SPINK8: variants seen among roughly 807,000 people sequenced by gnomAD.
The protein encoded by SPINK8 is serine peptidase inhibitor Kazal type 8 (putative), also known as serine protease inhibitor Kazal-type 8.
SPINK8 carries 12 observed loss-of-function variants against 14.4 expected under a neutral mutation model. The observed-to-expected ratio is 0.83, with a 90% CI of 0.53 to 1.35. The LOEUF (loss-of-function observed/expected upper bound fraction) is 1.35. Among genes scored for constraint, SPINK8 ranks in the 40% most tolerant of loss-of-function variants. SPINK8 has a pLI of 0.00. For synonymous variants in SPINK8, 32 were observed against 37.6 expected, an observed-to-expected ratio of 0.85 and a Z score of 0.55; for missense variants, 103 against 117.0, an observed-to-expected ratio of 0.88 and a Z score of 0.55.
chr3:48,332,241 T>G (rs1575348784), intron 2 of SPINK8, among the ~76,000 whole-genome samples, 125 bp downstream of exon 2: 1 of 152,226 alleles, frequency 6.6e-6, no homozygotes, highest in East Asian at 1.9e-4. Context: ...TTTGTCCAGT[T>G]CTGCCTGCTC....
intron 2 of SPINK8, among the ~76,000 whole-genome samples, chr3:48,330,181 C>G (rs180835551): frequency 6.6e-6 from 1 of 152,062 alleles, no homozygotes; most frequent in Non-Finnish European, 1.5e-5. Flanking sequence ...AAATTTGGTG[C>G]CTGCTTATAT....
intron 1 of SPINK8, among the ~76,000 whole-genome samples, 200 bp downstream of exon 1, chr3:48,333,335 C>T (rs1307111633): frequency 2.0e-5 from 3 of 152,014 alleles, no homozygotes; most frequent in African/African-American, 4.8e-5. Flanking sequence ...TCAAATTGGT[C>T]CTAATTCTCT....
Position 48,306,943 on chromosome 3 carries a change from A to G in SPINK8, c.*49T>C. ...TTTGAAGAGGCAACCATTGTGTTTCACTTGGCAATCTGGAGATTCAGTAGG... is the reference window on the plus strand; with the variant it reads ...TTTGAAGAGGCAACCATTGTGTTTCGCTTGGCAATCTGGAGATTCAGTAGG... On this transcript the variant is annotated 3_prime_UTR_variant, in exon 8 of 8. Transcript: ENST00000434006. The G allele has an allele frequency of 1.2e-6, 2 of 1,605,344 alleles. No homozygotes were observed. The highest frequency in any genetic ancestry group is 1.1e-5 in the South Asian group (1 of 89,828).
At chr3:48,313,054 G>C (rs2035944061) in intron 6 of SPINK8, among the ~76,000 whole-genome samples, 2 of 151,154 alleles carry the variant, frequency 1.3e-5, no homozygotes, top group Admixed American at 1.3e-4. Flanking sequence ...AAAAATTAGA[G>C]GTAAATCTTT....
At chr3:48,325,313 C>T (rs1248082602) in intron 4 of SPINK8, among the ~76,000 whole-genome samples, 1 of 151,884 alleles carries the variant, frequency 6.6e-6, no homozygotes, top group Non-Finnish European at 1.5e-5. Flanking sequence ...GTTGGATTGA[C>T]TTACACCTGC....
At chr3:48,315,421 C>T (rs187998713) in intron 6 of SPINK8, among the ~76,000 whole-genome samples, 1 of 152,200 alleles carries the variant, frequency 6.6e-6, no homozygotes, top group African/African-American at 2.4e-5. Flanking sequence ...AGCTATTTTA[C>T]TTATGTTTAA....
chr3:48,312,494 T>C (rs1300283447), intron 6 of SPINK8, among the ~76,000 whole-genome samples: 1 of 149,454 alleles, frequency 6.7e-6, no homozygotes, highest in African/African-American at 2.5e-5. Context: ...AATACAAAAA[T>C]TACCCAGGCT....
chr3:48,317,378 C>T (rs1674765025), intron 6 of SPINK8, among the ~76,000 whole-genome samples: 1 of 152,042 alleles, frequency 6.6e-6, no homozygotes. Flanking sequence ...ATCCCAGCTA[C>T]TCGGGAAGCT....
In SPINK8 at chr3:48,319,502, T is replaced by G. The variant is rs11718350; in HGVS notation, c.234A>C (p.Lys78Asn). The stretch of plus-strand genomic sequence containing the variant: ...AGAACAAAATTAGGACTTACAGAAT[T>G]TTGGAGCACAGATGGCAGTCACTAC... ...TYSSDCHLCS[K>N]ILFEGLNITK... Residue 78 changes from lysine (K) to asparagine (N), a missense_variant, in exon 6 of 8, where the codon AAA becomes AAC. Coordinates refer to ENST00000434006, the MANE Select transcript of SPINK8 (RefSeq NM_001080525.3). The G allele has an allele frequency of 0.28, 451,563 of 1,613,292 alleles. 67,792 individuals are homozygous for G. Among genetic ancestry groups the G allele is most frequent in the South Asian group, 0.32 (28,774 of 91,060 alleles).
intron 1 of SPINK8, among the ~76,000 whole-genome samples, 80 bp downstream of exon 1, chr3:48,333,455 C>A (rs1461738845): frequency 3.3e-5 from 5 of 152,168 alleles, no homozygotes; most frequent in African/African-American, 9.7e-5. Context: ...CTAGAGCGTC[C>A]TCTGTGGTCC....
intron 5 of SPINK8, among the ~76,000 whole-genome samples, chr3:48,320,302 C>A (rs2036055103): frequency 6.6e-6 from 1 of 152,296 alleles, no homozygotes; most frequent in East Asian, 1.9e-4. Flanking sequence ...GCACTCCCAG[C>A]ACTTTGGGAG....
chr3:48,324,429 C>A (rs2107106222), intron 4 of SPINK8, among the ~76,000 whole-genome samples: 1 of 152,218 alleles, frequency 6.6e-6, no homozygotes, highest in East Asian at 1.9e-4. Flanking sequence ...AAACAGAGAT[C>A]ATTTTACTTC....
rs377679191 is a variant in SPINK8 at position 48,312,556 on chromosome 3, T to C, written c.240-2610A>G. Among the ~76,000 whole-genome samples, 12 of 152,148 alleles carry C rather than the reference T, an allele frequency of 7.9e-5. No homozygotes were observed. In the East Asian group the frequency reaches 1.2e-3, roughly 15 times the overall value. On this transcript the variant is annotated intron_variant, in intron 6 of 7. Coordinates refer to ENST00000434006, the MANE Select transcript of SPINK8 (RefSeq NM_001080525.3). ...CACTGGGGATGCTGAGGCAGGAGAA[T>C]TGCTTGAACCCAGGAGGTGGAGGTT...
intron 6 of SPINK8, among the ~76,000 whole-genome samples, chr3:48,318,640 T>C (rs748055531): frequency 2.6e-4 from 39 of 152,328 alleles, no homozygotes; most frequent in Middle Eastern, 3.4e-3. Context: ...TGGGTTCTAG[T>C]GTAAGCTTTA....
intron 6 of SPINK8, among the ~76,000 whole-genome samples, chr3:48,311,693 T>A (rs2035925985): frequency 6.6e-6 from 1 of 152,130 alleles, no homozygotes; most frequent in Non-Finnish European, 1.5e-5. Context: ...GTGAAAGACT[T>A]GTACACTCAA....
chr3:48,333,276 A>G (rs2036289171), intron 1 of SPINK8, among the ~76,000 whole-genome samples: 1 of 152,162 alleles, frequency 6.6e-6, no homozygotes, highest in Non-Finnish European at 1.5e-5. Context: ...TATTGTGGCC[A>G]GGGGTACTGC....
chr3:48,327,218 A>C (rs1352944835), intron 4 of SPINK8, among the ~76,000 whole-genome samples: 1 of 152,244 alleles, frequency 6.6e-6, no homozygotes, highest in African/African-American at 2.4e-5. Flanking sequence ...GTTAGAGGCA[A>C]AGGGAACGGT....
intron 4 of SPINK8, among the ~76,000 whole-genome samples, chr3:48,324,164 C>T (rs1251380875): frequency 6.6e-6 from 1 of 152,060 alleles, no homozygotes; most frequent in African/African-American, 2.4e-5. Flanking sequence ...TAATTTCTTT[C>T]ATCAATGTTT....
intron 4 of SPINK8, among the ~76,000 whole-genome samples, chr3:48,323,643 C>T (rs986397148): frequency 2.0e-5 from 3 of 152,102 alleles, no homozygotes; most frequent in African/African-American, 7.2e-5. Context: ...GGAAAAGGTC[C>T]ACATTTATTC....
Sources: gnomAD v4.1 joint callset for allele counts (sites outside exome capture counted in the v4.1 genomes callset) on GRCh38, gnomAD v4.1.1 for gene constraint, MANE v1.5 for transcripts, NCBI Gene and HGNC (gene_info 2026-07-23, HGNC 2026-07-21) for gene names.